Variants in FBXW7 observed in about 807,000 individuals in gnomAD.
The protein encoded by FBXW7 is F-box and WD repeat domain containing 7, also known as F-box/WD repeat-containing protein 7.
A neutral mutation model predicts 86.3 loss-of-function variants in FBXW7; 11 were observed. The ratio of observed to expected loss-of-function variants is 0.13; its 90% CI spans 0.08 to 0.21. The LOEUF is 0.21. Among genes scored for constraint, FBXW7 ranks in the 10% least tolerant of loss-of-function variants. FBXW7 has a pLI of 1.00. For synonymous variants in FBXW7, 313 were observed against 297.9 expected (o/e 1.05, Z -0.52); for missense variants, 488 against 847.4 (o/e 0.58, Z 5.27).
In FBXW7 at chr4:152,462,094, C is replaced by T. The variant is rs893157658; in HGVS notation, c.-119-49565G>A. Among the ~76,000 whole-genome samples, 10 of 152,188 alleles carry T rather than the reference C, an allele frequency of 6.6e-5. No individual in the cohort carries two copies. The South Asian group carries it at 1.9e-3, about 28-fold the overall frequency. ...TAGTTCTTTCACCTTCCAGCTGCTT[C>T]CTTCTTCTAACCTGATGCCCAGGGC... On this transcript the variant is annotated intron_variant, in intron 2 of 13. Transcript: ENST00000281708.
intron 4 of FBXW7, chr4:152,352,543 C>G (rs1251817035): frequency 1.2e-6 from 2 of 1,613,868 alleles, no homozygotes; most frequent in South Asian, 2.2e-5. Flanking sequence ...TGATTCTGTG[C>G]CCCCGTGTGT....
chr4:152,356,103 A>G (rs530082124), intron 4 of FBXW7, among the ~76,000 whole-genome samples: 1 of 151,910 alleles, frequency 6.6e-6, no homozygotes, highest in South Asian at 2.1e-4. Context: ...GACTCTCAAG[A>G]GTTCATTATT....
rs1747407774 is a variant in FBXW7, at chr4:152,506,189, T to C, written c.-120+28752A>G. On this transcript the variant is annotated intron_variant, in intron 2 of 13. Transcript: ENST00000281708. ...CTCTGTCACCCAGGCGGGAGTGCGG[T>C]GGCACGATCTCAGCTCACTGCAAGC... Among the ~76,000 whole-genome samples the C allele has an allele frequency of 2.6e-5, 4 of 152,076 alleles. No homozygotes were observed. The South Asian group carries it at 8.3e-4, about 32-fold the overall frequency.
intron 4 of FBXW7, among the ~76,000 whole-genome samples, chr4:152,366,964 A>G (rs930506809): frequency 1.3e-5 from 2 of 152,224 alleles, no homozygotes; most frequent in Non-Finnish European, 2.9e-5. Flanking sequence ...GGATGAGTTC[A>G]TGTCCTTTGT....
intron 2 of FBXW7, among the ~76,000 whole-genome samples, chr4:152,426,601 G>A (rs1218890236): frequency 1.3e-5 from 2 of 152,188 alleles, no homozygotes; most frequent in African/African-American, 2.4e-5. Context: ...CGCCCGCCTC[G>A]GCCTCCCAAA....
chr4:152,369,987 G>A (rs990341804), intron 4 of FBXW7, among the ~76,000 whole-genome samples: 4 of 151,906 alleles, frequency 2.6e-5, no homozygotes, highest in Non-Finnish European at 4.4e-5. Flanking sequence ...ATATAGTTAT[G>A]TTATCTTAGA....
rs1561015664 is a variant in FBXW7 at position 152,536,010 on chromosome 4, G to GCGGCAGCGGCGGCGGCA, written c.-1097_-1096insTGCCGCCGCCGCTGCCG. 1 of 225,418 alleles carries GCGGCAGCGGCGGCGGCA rather than the reference G, an allele frequency of 4.4e-6. No homozygotes were observed. The highest frequency in any genetic ancestry group is 2.4e-5 in the African/African-American group (1 of 41,478). The allele number at this position is 225,418 out of a possible 1,614,324, so 14.0% of individuals were successfully genotyped here. On this transcript the variant is annotated 5_prime_UTR_variant, in exon 1 of 14. Coordinates refer to ENST00000281708, the MANE Select transcript of FBXW7 (RefSeq NM_001349798.2). ...CGCTCTCAGTCTCAGCGGCGGCGGC[G>GCGGCAGCGGCGGCGGCA]GCGGCAGCGGCAGCGGCAGCGCCCG... is the stretch of plus-strand genomic sequence containing the variant.
At chr4:152,413,291 C>T (rs1222705673) in intron 2 of FBXW7, among the ~76,000 whole-genome samples, 2 of 151,880 alleles carry the variant, frequency 1.3e-5, no homozygotes, top group Non-Finnish European at 2.9e-5. Flanking sequence ...ATTATTTTAT[C>T]GGTAACTGAT....
chr4:152,411,639 C>T lies in FBXW7; in HGVS notation c.165G>A (p.Arg55=), dbSNP rs761222519. The change falls in exon 4 of 14, where the codon AGG becomes AGA. Residue 55 remains arginine, a synonymous_variant. Coordinates refer to ENST00000281708, the MANE Select transcript of FBXW7 (RefSeq NM_001349798.2). ...LRQQEEEHTA[R]NGEVVGVEPR... ...GTTCTACTCCAACAACTTCACCATT[C>T]CTTGCAGTGTGCTCCTCCTCTTGTT... The T allele has an allele frequency of 5.0e-6, 8 of 1,613,854 alleles. No homozygotes were observed. The highest frequency in any genetic ancestry group is 1.7e-6 in the Non-Finnish European group (2 of 1,179,924).
intron 2 of FBXW7, among the ~76,000 whole-genome samples, chr4:152,439,636 C>T (rs972312058): frequency 2.0e-5 from 3 of 152,112 alleles, no homozygotes; most frequent in East Asian, 3.9e-4. Context: ...GAGGCTGAGG[C>T]GGGCCGATCA....
intron 4 of FBXW7, among the ~76,000 whole-genome samples, chr4:152,409,326 G>A (rs1737717304): frequency 6.6e-6 from 1 of 152,206 alleles, no homozygotes; most frequent in African/African-American, 2.4e-5. Context: ...ATGGTCTAGG[G>A]TAACATCTGT....
chr4:152,351,065 CTAAT>C (rs1731767905), intron 4 of FBXW7, among the ~76,000 whole-genome samples: 1 of 151,986 alleles, frequency 6.6e-6, no homozygotes, highest in Non-Finnish European at 1.5e-5. Flanking sequence ...TTTGTGTCCA[CTAAT>C]TAATCACTGT....
chr4:152,360,131 T>C (rs1732793076), intron 4 of FBXW7, among the ~76,000 whole-genome samples: 1 of 152,250 alleles, frequency 6.6e-6, no homozygotes, highest in South Asian at 2.1e-4. Flanking sequence ...AGTTAAAATG[T>C]TATTTAACAT....
At chr4:152,495,629 T>A (rs1746266367) in intron 2 of FBXW7, among the ~76,000 whole-genome samples, 1 of 152,194 alleles carries the variant, frequency 6.6e-6, no homozygotes, top group Non-Finnish European at 1.5e-5. Flanking sequence ...TTGACTCATA[T>A]GTAGGGACTA....
chr4:152,460,352 G>T (rs979175822), intron 2 of FBXW7, among the ~76,000 whole-genome samples: 3 of 152,036 alleles, frequency 2.0e-5, no homozygotes, highest in Admixed American at 6.5e-5. Context: ...TCAAGTCACA[G>T]GTACTTGTTT....
chr4:152,495,418 G>T (rs1746239214), intron 2 of FBXW7, among the ~76,000 whole-genome samples: 1 of 152,080 alleles, frequency 6.6e-6, no homozygotes, highest in Non-Finnish European at 1.5e-5. Flanking sequence ...TTCAGCCTGG[G>T]CAACAGAGTG....
At chr4:152,437,901 G>A (rs893967954) in intron 2 of FBXW7, among the ~76,000 whole-genome samples, 2 of 152,152 alleles carry the variant, frequency 1.3e-5, no homozygotes, top group African/African-American at 2.4e-5. Flanking sequence ...TTAGCCAGGC[G>A]CGATGGCTCA....
At chr4:152,386,170 T>C (rs1272929741) in intron 4 of FBXW7, among the ~76,000 whole-genome samples, 2 of 152,082 alleles carry the variant, frequency 1.3e-5, no homozygotes, top group Non-Finnish European at 2.9e-5. Flanking sequence ...ACTCTTTAAT[T>C]ACTACCCAAA....
At position 152,411,371 on chromosome 4, in the gene FBXW7, T is replaced by A. The variant is rs1737944228; in HGVS notation, c.433A>T (p.Asn145Tyr). Reference protein sequence around the residue: ...DEHTHTNSVTNSSSIVDLPVH... With the variant: ...DEHTHTNSVTYSSSIVDLPVH... Reference sequence around the variant, plus strand: ...GGCAGGTCCACAATACTACTGGAGTTCGTGACACTGTTAGTATGTGTATGT... The same window carrying A: ...GGCAGGTCCACAATACTACTGGAGTACGTGACACTGTTAGTATGTGTATGT... Residue 145 changes from asparagine to tyrosine, a missense_variant, in exon 4 of 14, where the codon AAC becomes TAC. Coordinates refer to ENST00000281708, the MANE Select transcript of FBXW7 (RefSeq NM_001349798.2). The A allele has an allele frequency of 6.2e-7, 1 of 1,613,534 alleles. No individual in the cohort carries two copies. Among genetic ancestry groups the A allele is most frequent in the African/African-American group, 1.3e-5 (1 of 74,882 alleles).
Sources: allele counts gnomAD v4.1 joint callset (sites outside exome capture counted in the v4.1 genomes callset), GRCh38; gene constraint gnomAD v4.1.1; transcripts MANE v1.5; gene names NCBI Gene and HGNC (gene_info 2026-07-23, HGNC 2026-07-21).